Variants in HIVEP2 observed in about 807,000 individuals in gnomAD.
HIVEP2 encodes the protein transcription factor HIVEP2.
A neutral mutation model predicts 180.7 loss-of-function variants in HIVEP2; 14 were observed. That is an observed-to-expected ratio of 0.08 (90% confidence interval 0.05 to 0.12). The LOEUF is 0.12. Among genes scored for constraint, HIVEP2 ranks in the 10% least tolerant of loss-of-function variants. The pLI, the probability that HIVEP2 is intolerant of heterozygous loss-of-function variation, is 1.00. For missense variants in HIVEP2, 2,579 were observed against 3,008.5 expected, an observed-to-expected ratio of 0.86 and a Z score of 3.34; for synonymous variants, 1,184 against 1,136.4, an observed-to-expected ratio of 1.04 and a Z score of -0.84.
intron 1 of HIVEP2, among the ~76,000 whole-genome samples, chr6:142,909,469 G>A (rs1257415806): frequency 6.6e-6 from 1 of 152,144 alleles, no homozygotes; most frequent in African/African-American, 2.4e-5. Flanking sequence ...AAACTAGGCA[G>A]GGGAGAGTGC....
At chr6:142,885,603 C>T (rs546393540) in intron 1 of HIVEP2, among the ~76,000 whole-genome samples, 1 of 152,220 alleles carries the variant, frequency 6.6e-6, no homozygotes, top group African/African-American at 2.4e-5. Flanking sequence ...TGACGCATAT[C>T]CAGGCATAAA....
At chr6:142,925,600 C>T (rs1582970608) in intron 1 of HIVEP2, among the ~76,000 whole-genome samples, 1 of 152,270 alleles carries the variant, frequency 6.6e-6, no homozygotes, top group Admixed American at 6.5e-5. Flanking sequence ...CCTTAAATTT[C>T]CTTATTGCAT....
chr6:142,876,307 A>G (rs890524057), intron 1 of HIVEP2, among the ~76,000 whole-genome samples: 1 of 152,198 alleles, frequency 6.6e-6, no homozygotes, highest in Admixed American at 6.5e-5. Flanking sequence ...AAGCAATTTA[A>G]AACAGGTCTC....
intron 2 of HIVEP2, among the ~76,000 whole-genome samples, chr6:142,820,246 A>G (rs1776991596): frequency 6.6e-6 from 1 of 151,560 alleles, no homozygotes; most frequent in Non-Finnish European, 1.5e-5. Flanking sequence ...CAGCTGTACG[A>G]AGACTGATTA....
chr6:142,918,162 C>A (rs373455209), intron 1 of HIVEP2, among the ~76,000 whole-genome samples: 40 of 152,132 alleles, frequency 2.6e-4, no homozygotes, highest in African/African-American at 9.2e-4. Flanking sequence ...TTCCTTAAAC[C>A]CTTTCCTCTT....
chr6:142,940,408 G>A (rs1778147305), intron 1 of HIVEP2, among the ~76,000 whole-genome samples: 1 of 152,222 alleles, frequency 6.6e-6, no homozygotes, highest in African/African-American at 2.4e-5. Context: ...ACTGAGAAGA[G>A]ACAGGCGTTA....
intron 3 of HIVEP2, among the ~76,000 whole-genome samples, chr6:142,777,843 T>C (rs1290161374): frequency 6.6e-6 from 1 of 152,172 alleles, no homozygotes; most frequent in East Asian, 1.9e-4. Flanking sequence ...AATGCTACCA[T>C]GCAGATGTAC....
chr6:142,759,220 T>A (rs1381250024), intron 9 of HIVEP2, among the ~76,000 whole-genome samples: 1 of 152,022 alleles, frequency 6.6e-6, no homozygotes, highest in East Asian at 1.9e-4. Context: ...GGAGAATCGC[T>A]TCAACCTGGG....
intron 6 of HIVEP2, among the ~76,000 whole-genome samples, chr6:142,766,934 GA>G (rs1562501539): frequency 1.3e-5 from 2 of 151,974 alleles, no homozygotes; most frequent in Admixed American, 1.3e-4. Flanking sequence ...ACAAGGTTTG[GA>G]AAAAACACTT....
intron 1 of HIVEP2, among the ~76,000 whole-genome samples, chr6:142,846,186 T>C (rs1287533263): frequency 6.6e-6 from 1 of 151,976 alleles, no homozygotes; most frequent in African/African-American, 2.4e-5. Flanking sequence ...AACTGGGACG[T>C]GGTAGAGTCT....
At chr6:142,910,484 C>A (rs1034910167) in intron 1 of HIVEP2, among the ~76,000 whole-genome samples, 1 of 152,226 alleles carries the variant, frequency 6.6e-6, no homozygotes, top group Non-Finnish European at 1.5e-5. Context: ...TGCCTGTAGT[C>A]CCAGCTATAT....
intron 1 of HIVEP2, among the ~76,000 whole-genome samples, chr6:142,925,990 C>G (rs77288640): frequency 2.0e-4 from 30 of 152,330 alleles, no homozygotes; most frequent in African/African-American, 6.7e-4. Context: ...ACAATCACGA[C>G]TGCTCAGCTG....
rs867535537 is a variant in HIVEP2, at chr6:142,753,382, C to T, written c.7066G>A (p.Glu2356Lys). 1 of 1,613,958 alleles carries T rather than the reference C, an allele frequency of 6.2e-7. No homozygotes were observed. The highest frequency in any genetic ancestry group is 8.5e-7 in the Non-Finnish European group (1 of 1,180,030). Residue 2356 changes from glutamate to lysine, a missense_variant, in exon 10 of 10, where the codon GAG (glutamate) becomes AAG (lysine). By Grantham distance (56) the Glu-to-Lys change is moderately conservative (BLOSUM62 1). Coordinates refer to ENST00000367603, the MANE Select transcript of HIVEP2 (RefSeq NM_006734.4). ...LGPDQPARVQ[E>K]PHQNPLGSAH... ...CTTCCCAGGGGGTTCTGGTGGGGCT[C>T]CTGCACCCGCGCTGGCTGATCTGGC...
intron 1 of HIVEP2, among the ~76,000 whole-genome samples, chr6:142,880,484 CAAAG>C (rs1250574773): frequency 6.6e-6 from 1 of 152,172 alleles, no homozygotes; most frequent in Non-Finnish European, 1.5e-5. Flanking sequence ...ACATTGATGA[CAAAG>C]AAGCCTCTCT....
chr6:142,828,622 G>C (rs1172829946), intron 2 of HIVEP2, among the ~76,000 whole-genome samples: 2 of 151,918 alleles, frequency 1.3e-5, no homozygotes, highest in Non-Finnish European at 2.9e-5. Context: ...TTTAGAGATG[G>C]GGTTTCACCA....
chr6:142,759,632 T>G, intron 9 of HIVEP2, 140 bp downstream of exon 9: 1 of 688,290 alleles, frequency 1.5e-6, no homozygotes, highest in Non-Finnish European at 2.5e-6. Context: ...GACAAAAATG[T>G]CTCCCCGCTA....
intron 1 of HIVEP2, among the ~76,000 whole-genome samples, chr6:142,847,926 A>T (rs184849167): frequency 2.9e-4 from 44 of 152,330 alleles, no homozygotes; most frequent in Non-Finnish European, 3.5e-4. Flanking sequence ...ATGAAAGCCA[A>T]AAGGAAACAC....
chr6:142,939,995 A>C (rs1326554225), intron 1 of HIVEP2, among the ~76,000 whole-genome samples: 1 of 152,208 alleles, frequency 6.6e-6, no homozygotes, highest in African/African-American at 2.4e-5. Flanking sequence ...ACAGACCCCT[A>C]ATCACATGGA....
intron 1 of HIVEP2, among the ~76,000 whole-genome samples, chr6:142,867,070 T>C (rs1459555672): frequency 6.6e-6 from 1 of 152,154 alleles, no homozygotes; most frequent in African/African-American, 2.4e-5. Context: ...GTAAGTATGG[T>C]GGTAGAATTC....
Sources: allele counts gnomAD v4.1 joint callset (sites outside exome capture counted in the v4.1 genomes callset), GRCh38; gene constraint gnomAD v4.1.1; transcripts MANE v1.5; gene names NCBI Gene and HGNC (gene_info 2026-07-23, HGNC 2026-07-21).